The following SYT1 variants were observed in gnomAD, a reference collection of about 807,000 sequenced individuals.
SYT1 encodes synaptotagmin 1.
In SYT1, 8 loss-of-function variants were observed where a neutral mutation model predicts 44.8. The observed-to-expected ratio is 0.18, with a 90% CI of 0.10 to 0.32. SYT1 has a LOEUF of 0.32. Ranked by LOEUF, SYT1 falls within the 10% of genes least tolerant of loss-of-function variation. The pLI, the probability that SYT1 is intolerant of heterozygous loss-of-function variation, is 1.00. For missense variants in SYT1, 286 were observed against 509.3 expected, an observed-to-expected ratio of 0.56 and a Z score of 4.22; for synonymous variants, 154 against 188.8, an observed-to-expected ratio of 0.82 and a Z score of 1.51.
chr12:78,925,229 C>T (rs12580780), intron 1 of SYT1, among the ~76,000 whole-genome samples: 12,856 of 151,860 alleles, frequency 0.085, 626 homozygotes, highest in East Asian at 0.18. Flanking sequence ...TTTAGCAAAA[C>T]TTAGTTACCA....
At chr12:79,287,569 T>C (rs1879372734) in intron 5 of SYT1, among the ~76,000 whole-genome samples, 1 of 152,158 alleles carries the variant, frequency 6.6e-6, no homozygotes, top group Non-Finnish European at 1.5e-5. Flanking sequence ...AATAGATCAC[T>C]ATCTTTTTCA....
At chr12:78,903,556 A>G (rs1875785898) in intron 1 of SYT1, among the ~76,000 whole-genome samples, 1 of 152,056 alleles carries the variant, frequency 6.6e-6, no homozygotes. Flanking sequence ...AAGTGCTGGG[A>G]TTACAGGCGT....
At chr12:79,395,202 CTTTTTTGG>C (rs1451848069) in intron 9 of SYT1, among the ~76,000 whole-genome samples, 6 of 152,008 alleles carry the variant, frequency 3.9e-5, no homozygotes, top group South Asian at 2.1e-4. Flanking sequence ...CAGAGATCAA[CTTTTTTGG>C]TTTTTTGGTT....
chr12:78,877,421 A>C (rs1446735831), intron 1 of SYT1, among the ~76,000 whole-genome samples: 1 of 151,652 alleles, frequency 6.6e-6, no homozygotes, highest in Admixed American at 6.6e-5. Flanking sequence ...CTACAATTCA[A>C]GATGATATCT....
At chr12:79,363,897 C>A (rs1225815599) in intron 9 of SYT1, among the ~76,000 whole-genome samples, 1 of 152,146 alleles carries the variant, frequency 6.6e-6, no homozygotes, top group African/African-American at 2.4e-5. Context: ...CCATGAGCTA[C>A]TTTGAGAGCA....
intron 1 of SYT1, among the ~76,000 whole-genome samples, chr12:78,935,187 G>A (rs763608483): frequency 1.3e-5 from 2 of 152,186 alleles, no homozygotes. Context: ...GTCTGGAGAT[G>A]GCTGCAGAGA....
chr12:78,932,627 A>C (rs190097373), intron 1 of SYT1, among the ~76,000 whole-genome samples: 2 of 152,306 alleles, frequency 1.3e-5, no homozygotes, highest in East Asian at 3.9e-4. Flanking sequence ...TGGAAATCAT[A>C]TTCTATTTAA....
At chr12:79,071,288 A>G (rs1371399693) in intron 3 of SYT1, among the ~76,000 whole-genome samples, 2 of 152,164 alleles carry the variant, frequency 1.3e-5, no homozygotes, top group Non-Finnish European at 2.9e-5. Context: ...TTTATTTACT[A>G]CTTTCTATGC....
At chr12:79,014,131 A>G (rs1448481240) in intron 2 of SYT1, among the ~76,000 whole-genome samples, 44 of 144,874 alleles carry the variant, frequency 3.0e-4, no homozygotes, top group Non-Finnish European at 2.2e-4. Context: ...CCAAAAAAAA[A>G]AAAAAAAGAA....
In SYT1 at chr12:79,293,749, CAAATAT is replaced by C. The variant is rs1879749220; in HGVS notation, c.474+1621_474+1626del. On this transcript the variant is annotated intron_variant, in intron 6 of 10. Coordinates refer to ENST00000261205, the MANE Select transcript of SYT1 (RefSeq NM_005639.3). ...CAGAGGGTTCCTCATGAAGGATGTA[CAAATAT>C]ACTGTCATATTAAAAATAATTTTTT... 2.6e-5 allele frequency among the ~76,000 whole-genome samples: 4 copies of C among 152,288 alleles called. No homozygotes were observed. The South Asian group carries it at 8.3e-4, about 32-fold the overall frequency.
chr12:79,301,882 T>A (rs1880168962), intron 8 of SYT1, among the ~76,000 whole-genome samples: 1 of 152,136 alleles, frequency 6.6e-6, no homozygotes, highest in Non-Finnish European at 1.5e-5. Context: ...TTTATCAAGG[T>A]ATAGGTTATA....
intron 2 of SYT1, chr12:79,036,374 C>T (rs1873135276): frequency 6.6e-6 from 1 of 151,822 alleles, no homozygotes; most frequent in Non-Finnish European, 1.5e-5. Context: ...TGAATTAGCT[C>T]TTCATGGAAT....
chr12:79,314,666 C>T (rs1373970035), intron 8 of SYT1, among the ~76,000 whole-genome samples: 7 of 152,116 alleles, frequency 4.6e-5, no homozygotes, highest in African/African-American at 9.7e-5. Context: ...TTGACAGTTC[C>T]TCAAAATGTT....
chr12:79,295,056 A>G (rs1191150393), intron 6 of SYT1, among the ~76,000 whole-genome samples: 1 of 152,098 alleles, frequency 6.6e-6, no homozygotes, highest in Non-Finnish European at 1.5e-5. Flanking sequence ...TTGCTTTTTT[A>G]CTCTACTAGC....
At chr12:78,925,976 T>G (rs1181257884) in intron 1 of SYT1, among the ~76,000 whole-genome samples, 4 of 152,052 alleles carry the variant, frequency 2.6e-5, no homozygotes, top group African/African-American at 9.7e-5. Flanking sequence ...CCTTAAAAAG[T>G]AGAACATGAA....
At chr12:78,929,395 G>C (rs1262170006) in intron 1 of SYT1, among the ~76,000 whole-genome samples, 1 of 51,860 alleles carries the variant, frequency 1.9e-5, no homozygotes, top group Non-Finnish European at 3.3e-5. Flanking sequence ...GGGTGACAGA[G>C]AGAGACTCCG....
chr12:79,348,818 G>C (rs1469131963), intron 8 of SYT1, among the ~76,000 whole-genome samples: 1 of 150,380 alleles, frequency 6.6e-6, no homozygotes, highest in Non-Finnish European at 1.5e-5. Context: ...ATAGTGACAA[G>C]TATCATATAG....
intron 2 of SYT1, among the ~76,000 whole-genome samples, chr12:78,990,188 C>T (rs1343237480): frequency 6.6e-6 from 1 of 152,120 alleles, no homozygotes; most frequent in East Asian, 1.9e-4. Flanking sequence ...CATTCACCAG[C>T]AGCCTCTGTG....
chr12:78,996,759 G>T (rs1165458798), intron 2 of SYT1, among the ~76,000 whole-genome samples: 1 of 151,974 alleles, frequency 6.6e-6, no homozygotes, highest in Non-Finnish European at 1.5e-5. Flanking sequence ...TACAGAAAAC[G>T]GGTCAAATAA....
Sources: gnomAD v4.1 joint callset for allele counts (sites outside exome capture counted in the v4.1 genomes callset) on GRCh38, gnomAD v4.1.1 for gene constraint, MANE v1.5 for transcripts, NCBI Gene and HGNC (gene_info 2026-07-23, HGNC 2026-07-21) for gene names.